The following JAZF1 variants were observed in gnomAD, a reference collection of about 807,000 sequenced individuals.
The protein encoded by JAZF1 is juxtaposed with another zinc finger protein 1.
JAZF1 carries 8 observed loss-of-function variants against 26.4 expected under a neutral mutation model. That is an observed-to-expected ratio of 0.30 (90% CI 0.18 to 0.55). The LOEUF (loss-of-function observed/expected upper bound fraction) is 0.55, where lower values mean the gene tolerates loss of function less well. Among genes scored for constraint, JAZF1 ranks in the 20% least tolerant of loss-of-function variants. The pLI, the probability that JAZF1 is intolerant of heterozygous loss-of-function variation, is 0.94. For synonymous variants in JAZF1, 126 were observed against 122.3 expected (o/e 1.03, Z -0.20); for missense variants, 199 against 322.0 (o/e 0.62, Z 2.92).
chr7:27,859,877 AAATG>A (rs1486784861), intron 3 of JAZF1, among the ~76,000 whole-genome samples: 2 of 152,252 alleles, frequency 1.3e-5, no homozygotes, highest in Non-Finnish European at 1.5e-5. Flanking sequence ...TAAAAAAAGA[AAATG>A]AATACAAATT....
intron 3 of JAZF1, among the ~76,000 whole-genome samples, chr7:27,867,538 T>C (rs1162685672): frequency 6.6e-6 from 1 of 152,224 alleles, no homozygotes; most frequent in Non-Finnish European, 1.5e-5. Flanking sequence ...ACAGGGCAGC[T>C]TCCTAAGAGC....
chr7:28,106,577 G>C (rs993829698), intron 1 of JAZF1, among the ~76,000 whole-genome samples: 1 of 152,148 alleles, frequency 6.6e-6, no homozygotes, highest in African/African-American at 2.4e-5. Context: ...GGCCTTTCTT[G>C]CTATGGGGAT....
At chr7:28,042,456 T>C (rs1299980657) in intron 1 of JAZF1, among the ~76,000 whole-genome samples, 1 of 152,086 alleles carries the variant, frequency 6.6e-6, no homozygotes, top group Non-Finnish European at 1.5e-5. Flanking sequence ...AGCTGAAGAA[T>C]GGATGGGTTA....
chr7:28,090,817 GT>G (rs11367530), intron 1 of JAZF1, among the ~76,000 whole-genome samples: 3,742 of 101,676 alleles, frequency 0.037, 32 homozygotes, highest in African/African-American at 0.14. Context: ...TTTTTTAGTT[GT>G]TTTTTTTTTT....
At chr7:27,906,719 G>C (rs1784264515) in intron 2 of JAZF1, among the ~76,000 whole-genome samples, 3 of 152,158 alleles carry the variant, frequency 2.0e-5, no homozygotes, top group Non-Finnish European at 2.9e-5. Flanking sequence ...CAAGTCTTTG[G>C]TTTGGAGACC....
At chr7:28,001,991 G>T (rs1266177111) in intron 1 of JAZF1, among the ~76,000 whole-genome samples, 2 of 152,136 alleles carry the variant, frequency 1.3e-5, no homozygotes, top group African/African-American at 4.8e-5. Flanking sequence ...CATGTGGTAA[G>T]ATATTCTGCA....
chr7:28,006,139 T>TGGCCCCTA (rs770362076), intron 1 of JAZF1, among the ~76,000 whole-genome samples: 1 of 152,034 alleles, frequency 6.6e-6, no homozygotes, highest in Non-Finnish European at 1.5e-5. Context: ...GGCTCATGCC[T>TGGCCCCTA]GTAATACCAG....
chr7:27,845,168 A>C (rs554436071), intron 3 of JAZF1, among the ~76,000 whole-genome samples: 1 of 152,372 alleles, frequency 6.6e-6, no homozygotes, highest in African/African-American at 2.4e-5. Context: ...CTATGTGTAT[A>C]TATAGTTATA....
At chr7:28,006,238 G>A (rs1782697744) in intron 1 of JAZF1, among the ~76,000 whole-genome samples, 1 of 152,104 alleles carries the variant, frequency 6.6e-6, no homozygotes, top group Non-Finnish European at 1.5e-5. Flanking sequence ...GCGTGGTGGT[G>A]TGCTCCTGTA....
intron 1 of JAZF1, among the ~76,000 whole-genome samples, chr7:28,032,725 A>G (rs1407286367): frequency 3.9e-5 from 6 of 152,176 alleles, no homozygotes; most frequent in African/African-American, 7.2e-5. Flanking sequence ...AATCAACACA[A>G]AAAGATTGAA....
Position 28,074,559 on chromosome 7 carries a change from A to C in JAZF1, c.116-82578T>G, listed in dbSNP as rs538664080. Among the ~76,000 whole-genome samples the C allele has an allele frequency of 2.0e-5, 3 of 152,306 alleles. No individual in the cohort carries two copies. The South Asian group carries it at 6.2e-4, about 32-fold the overall frequency. On this transcript the variant is annotated intron_variant, in intron 1 of 4. Coordinates refer to ENST00000283928, the MANE Select transcript of JAZF1 (RefSeq NM_175061.4). ...TAGTTTTTGTTGATGAAATAAGCTT[A>C]TTTTTATGAAATCAAAAAAGATTTG...
chr7:27,991,675 T>G (rs1785907182), intron 2 of JAZF1, among the ~76,000 whole-genome samples: 1 of 152,304 alleles, frequency 6.6e-6, no homozygotes, highest in African/African-American at 2.4e-5. Context: ...TATAAAGTAC[T>G]TCCAAAATGA....
intron 1 of JAZF1, among the ~76,000 whole-genome samples, chr7:28,019,051 G>A (rs1782951236): frequency 6.6e-6 from 1 of 152,112 alleles, no homozygotes; most frequent in Non-Finnish European, 1.5e-5. Flanking sequence ...TCTCCTCTCA[G>A]GTCTTATTTT....
intron 1 of JAZF1, among the ~76,000 whole-genome samples, chr7:28,097,018 G>C (rs112815475): frequency 9.2e-5 from 14 of 152,234 alleles, no homozygotes; most frequent in Non-Finnish European, 1.6e-4. Context: ...TGTGTAGAAA[G>C]AAATGGTGCC....
At chr7:28,093,506 A>T (rs1428821712) in intron 1 of JAZF1, among the ~76,000 whole-genome samples, 1 of 152,216 alleles carries the variant, frequency 6.6e-6, no homozygotes, top group African/African-American at 2.4e-5. Flanking sequence ...GACTACTACA[A>T]TGTTGCAGAC....
intron 3 of JAZF1, among the ~76,000 whole-genome samples, chr7:27,892,358 T>G (rs1260207460): frequency 6.6e-6 from 1 of 152,214 alleles, no homozygotes; most frequent in Non-Finnish European, 1.5e-5. Flanking sequence ...ATAGGCAAGG[T>G]GTCAGAAAGA....
intron 1 of JAZF1, among the ~76,000 whole-genome samples, chr7:28,082,040 G>A (rs568661055): frequency 8.5e-5 from 13 of 152,238 alleles, no homozygotes; most frequent in East Asian, 3.9e-4. Context: ...TACATTCTGC[G>A]ATAACAATAA....
At chr7:27,945,595 GGGTTGT>G (rs1562536774) in intron 2 of JAZF1, among the ~76,000 whole-genome samples, 1 of 151,060 alleles carries the variant, frequency 6.6e-6, no homozygotes, top group Admixed American at 6.5e-5. Context: ...CACATATCAA[GGGTTGT>G]GGTTCATCAC....
At chr7:27,940,293 G>A (rs559356669) in intron 2 of JAZF1, among the ~76,000 whole-genome samples, 1 of 13,284 alleles carries the variant, frequency 7.5e-5, no homozygotes, top group East Asian at 0.083. Flanking sequence ...ACGGCGGTGT[G>A]GTGGTGGGGG....
Sources: gnomAD v4.1 joint callset for allele counts (sites outside exome capture counted in the v4.1 genomes callset) on GRCh38, gnomAD v4.1.1 for gene constraint, MANE v1.5 for transcripts, NCBI Gene and HGNC (gene_info 2026-07-23, HGNC 2026-07-21) for gene names.